CAMTA1: variants seen among roughly 807,000 people sequenced by gnomAD.
CAMTA1 encodes the protein calmodulin-binding transcription activator 1.
CAMTA1 carries 27 observed loss-of-function variants against 170.9 expected under a neutral mutation model. That is an observed-to-expected ratio of 0.16 (90% CI 0.12 to 0.22). The LOEUF (loss-of-function observed/expected upper bound fraction) is 0.22. Ranked by LOEUF, CAMTA1 falls within the 10% of genes least tolerant of loss-of-function variation. The pLI is 1.00. For synonymous variants in CAMTA1, 833 were observed against 891.5 expected (o/e 0.93, Z 1.17); for missense variants, 1,619 against 2,217.2 (o/e 0.73, Z 5.42).
rs1557491136 is a variant in CAMTA1 at position 7,310,667 on chromosome 1, CTTTCCTTTCTT to C, written c.438+61043_438+61053del. 1.1e-3 allele frequency among the ~76,000 whole-genome samples: 33 copies of C among 28,888 alleles called. 1 individual carries two copies. The highest frequency in any genetic ancestry group is 6.9e-3 in the South Asian group (7 of 1,016). The allele number at this position is 28,888 out of a possible 152,430, so 19.0% of individuals were successfully genotyped here. On this transcript the variant is annotated intron_variant, in intron 5 of 22. Coordinates refer to ENST00000303635, the MANE Select transcript of CAMTA1 (RefSeq NM_015215.4). Reference sequence around the variant, plus strand: ...TTCTTTTTTCTTTCTTTCTTTCTTTCTTTCCTTTCTTTCTCTCTCTCTCTCTCTCTCTCTCT... The same window carrying C: ...TTCTTTTTTCTTTCTTTCTTTCTTTCTCTCTCTCTCTCTCTCTCTCTCTCT...
chr1:7,593,906 G>A (rs1263289648), intron 6 of CAMTA1, among the ~76,000 whole-genome samples: 1 of 151,418 alleles, frequency 6.6e-6, no homozygotes. Context: ...ACCTGGCATG[G>A]TGGCATGTGC....
At chr1:7,056,458 C>T (rs183960074) in intron 3 of CAMTA1, among the ~76,000 whole-genome samples, 1 of 152,304 alleles carries the variant, frequency 6.6e-6, no homozygotes, top group African/African-American at 2.4e-5. Context: ...GAGTAATTTC[C>T]TCTCCATCTC....
At position 7,041,028 on chromosome 1, in the gene CAMTA1, C is replaced by G. The variant is rs1400399740; in HGVS notation, c.235-50276C>G. On this transcript the variant is annotated intron_variant, in intron 3 of 22. Coordinates refer to ENST00000303635, the MANE Select transcript of CAMTA1 (RefSeq NM_015215.4). The surrounding 1 kb of genome is among the most constrained non-coding windows in gnomAD (Gnocchi z 5.1). ...TGAGCCATGGTGCCTGGCCCTCCCTCTGTTTTTTAAGACAGGTGCGTGTGG... is the reference window on the plus strand; with the variant it reads ...TGAGCCATGGTGCCTGGCCCTCCCTGTGTTTTTTAAGACAGGTGCGTGTGG... Among the ~76,000 whole-genome samples, 1 of 152,224 alleles carries G rather than the reference C, an allele frequency of 6.6e-6. No individual in the cohort carries two copies. The highest frequency in any genetic ancestry group is 1.5e-5 in the Non-Finnish European group (1 of 68,044).
rs373977577 is a variant in CAMTA1, at chr1:6,915,861, T to C, written c.234+90651T>C. Among the ~76,000 whole-genome samples, 37 of 152,270 alleles carry C rather than the reference T, an allele frequency of 2.4e-4. No homozygotes were observed. In the South Asian group the frequency reaches 7.5e-3, roughly 31 times the overall value. On this transcript the variant is annotated intron_variant, in intron 3 of 22. Coordinates refer to ENST00000303635, the MANE Select transcript of CAMTA1 (RefSeq NM_015215.4). Reference sequence around the variant, plus strand: ...GGCCCTGATGACTTCTCCAAGACCGTCTATCCTACAACTGAGTCTCTGACC... The same window carrying C: ...GGCCCTGATGACTTCTCCAAGACCGCCTATCCTACAACTGAGTCTCTGACC...
intron 5 of CAMTA1, among the ~76,000 whole-genome samples, chr1:7,316,839 A>G (rs1677586807): frequency 6.6e-6 from 1 of 152,188 alleles, no homozygotes; most frequent in Non-Finnish European, 1.5e-5. Flanking sequence ...GAGGATTCTC[A>G]GAGGCTTTTG....
chr1:7,218,918 T>C (rs990902880), intron 4 of CAMTA1, among the ~76,000 whole-genome samples: 1 of 152,148 alleles, frequency 6.6e-6, no homozygotes, highest in Admixed American at 6.5e-5. Context: ...GAGGATGCGT[T>C]GGGAGATTTG....
At chr1:7,675,058 G>A (rs2096101767) in intron 10 of CAMTA1, among the ~76,000 whole-genome samples, 2 of 152,334 alleles carry the variant, frequency 1.3e-5, no homozygotes, top group Middle Eastern at 3.4e-3. Context: ...CTGGGAAGAA[G>A]GAGGTTCCTT....
intron 4 of CAMTA1, among the ~76,000 whole-genome samples, chr1:7,227,813 G>C (rs1296100708): frequency 6.6e-6 from 1 of 152,126 alleles, no homozygotes; most frequent in African/African-American, 2.4e-5. Context: ...CGTGAGGACA[G>C]GAAGGGCTGT....
chr1:7,643,226 A>C (rs1233468788), intron 7 of CAMTA1, among the ~76,000 whole-genome samples: 1 of 152,110 alleles, frequency 6.6e-6, no homozygotes, highest in Admixed American at 6.5e-5. Flanking sequence ...TTCTTAGGTC[A>C]CTAGAAGGAA....
At chr1:7,513,331 G>A (rs2094229493) in intron 6 of CAMTA1, among the ~76,000 whole-genome samples, 1 of 152,172 alleles carries the variant, frequency 6.6e-6, no homozygotes, top group African/African-American at 2.4e-5. Context: ...GAGCCACCTT[G>A]GAATTTCAGC....
chr1:7,089,268 C>G (rs1041477733), intron 3 of CAMTA1, among the ~76,000 whole-genome samples: 9 of 152,120 alleles, frequency 5.9e-5, no homozygotes, highest in Admixed American at 5.9e-4. Flanking sequence ...GTAATGTGCT[C>G]AAAATGAGAC....
chr1:7,387,089 C>T (rs544701147), intron 5 of CAMTA1, among the ~76,000 whole-genome samples: 19 of 152,290 alleles, frequency 1.2e-4, no homozygotes, highest in South Asian at 2.1e-4. Context: ...CTTCCTGGGT[C>T]TGTCTCTGGG....
chr1:6,920,893 A>G (rs1172993575), intron 3 of CAMTA1, among the ~76,000 whole-genome samples: 1 of 152,000 alleles, frequency 6.6e-6, no homozygotes, highest in Non-Finnish European at 1.5e-5. Context: ...CCACGAAACC[A>G]TTTTTTCCTT....
At chr1:7,040,160 AT>A (rs35270229) in intron 3 of CAMTA1, among the ~76,000 whole-genome samples, 603 of 139,418 alleles carry the variant, frequency 4.3e-3, no homozygotes, top group Admixed American at 7.2e-3. Context: ...GCTAACTGTG[AT>A]TTTTTTTTTT....
intron 22 of CAMTA1, among the ~76,000 whole-genome samples, chr1:7,763,922 G>A (rs1051141686): frequency 3.9e-5 from 6 of 152,228 alleles, no homozygotes; most frequent in African/African-American, 1.4e-4. Flanking sequence ...GAAAGAAAAT[G>A]TAGCATTTGA....
At chr1:7,495,955 C>T (rs1437911877) in intron 6 of CAMTA1, among the ~76,000 whole-genome samples, 3 of 152,178 alleles carry the variant, frequency 2.0e-5, no homozygotes, top group African/African-American at 7.2e-5. Flanking sequence ...ACCTCCTGGC[C>T]ATCGTTTCAT....
chr1:7,493,189 GCACA>G (rs763492740), intron 6 of CAMTA1, among the ~76,000 whole-genome samples: 2 of 123,246 alleles, frequency 1.6e-5, no homozygotes, highest in African/African-American at 3.3e-5. Flanking sequence ...ATACAAACAC[GCACA>G]CACACAAACA....
chr1:7,390,379 C>A (rs2088558592), intron 5 of CAMTA1, among the ~76,000 whole-genome samples: 2 of 152,214 alleles, frequency 1.3e-5, no homozygotes, highest in African/African-American at 4.8e-5. Flanking sequence ...ACCAGCCTCC[C>A]CTCAGAGCTC....
intron 5 of CAMTA1, among the ~76,000 whole-genome samples, chr1:7,308,598 CTATT>C (rs1675968368): frequency 6.6e-6 from 1 of 152,032 alleles, no homozygotes; most frequent in African/African-American, 2.4e-5. Flanking sequence ...GACCTATGGG[CTATT>C]TAGAGAGTTT....
Sources: allele counts gnomAD v4.1 joint callset (sites outside exome capture counted in the v4.1 genomes callset), GRCh38; gene constraint gnomAD v4.1.1; non-coding constraint Gnocchi (gnomAD v3.1); transcripts MANE v1.5; gene names NCBI Gene and HGNC (gene_info 2026-07-23, HGNC 2026-07-21).